ESF1: variants seen among roughly 807,000 people sequenced by gnomAD.
The protein encoded by ESF1 is ESF1 homolog.
ESF1 carries 58 observed loss-of-function variants against 92.0 expected under a neutral mutation model. The observed-to-expected ratio is 0.63, with a 90% confidence interval of 0.51 to 0.78. ESF1 has a LOEUF of 0.78. Ranked by LOEUF, ESF1 falls within the 30% of genes least tolerant of loss-of-function variation. The pLI is 0.00. For missense variants in ESF1, 922 were observed against 989.1 expected (o/e 0.93, Z 0.91); for synonymous variants, 321 against 313.7 (o/e 1.02, Z -0.24).
chr20:13,754,772 C>T (rs1397375856), intron 9 of ESF1, among the ~76,000 whole-genome samples: 2 of 152,192 alleles, frequency 1.3e-5, no homozygotes, highest in African/African-American at 4.8e-5. Context: ...GCTCAAAACT[C>T]TCCAGTGGTT....
chr20:13,723,899 A>G (rs544820858), intron 11 of ESF1, among the ~76,000 whole-genome samples: 4 of 152,374 alleles, frequency 2.6e-5, no homozygotes, highest in Non-Finnish European at 5.9e-5. Flanking sequence ...AGGTACTAAA[A>G]TCTAAAATTA....
At chr20:13,749,540 GT>G (rs1370932764) in intron 9 of ESF1, among the ~76,000 whole-genome samples, 4 of 151,830 alleles carry the variant, frequency 2.6e-5, no homozygotes, top group African/African-American at 9.7e-5. Context: ...CACTGAATGG[GT>G]AGATTGAGCA....
At chr20:13,777,748 T>A (rs1980008295) in intron 2 of ESF1, among the ~76,000 whole-genome samples, 1 of 152,220 alleles carries the variant, frequency 6.6e-6, no homozygotes, top group East Asian at 1.9e-4. Context: ...CAGGCTTCTA[T>A]CTACTTGGTG....
At chr20:13,772,436 A>C in intron 5 of ESF1, 79 bp downstream of exon 5, 1 of 1,076,510 alleles carries the variant, frequency 9.3e-7, no homozygotes, top group East Asian at 2.4e-5. Flanking sequence ...TTTAGTTTTA[A>C]CTATTAAGGT....
chr20:13,751,663 T>G (rs904736211), intron 9 of ESF1, among the ~76,000 whole-genome samples: 1 of 152,238 alleles, frequency 6.6e-6, no homozygotes, highest in Non-Finnish European at 1.5e-5. Flanking sequence ...ATATCCTTGC[T>G]TTTTGAGTTA....
chr20:13,738,803 G>C (rs2049992633), intron 9 of ESF1, among the ~76,000 whole-genome samples: 1 of 152,126 alleles, frequency 6.6e-6, no homozygotes. Context: ...GCCAGTGAAA[G>C]GTGTGACATA....
At chr20:13,761,859 C>G (rs992170713) in intron 8 of ESF1, among the ~76,000 whole-genome samples, 1 of 152,138 alleles carries the variant, frequency 6.6e-6, no homozygotes, top group African/African-American at 2.4e-5. Context: ...AAAAACAAAT[C>G]AGAAACCTGG....
At chr20:13,767,133 C>T (rs1184304586) in intron 7 of ESF1, among the ~76,000 whole-genome samples, 1 of 152,168 alleles carries the variant, frequency 6.6e-6, no homozygotes, top group African/African-American at 2.4e-5. Context: ...CCTCCCAATT[C>T]TCTGCTATCT....
chr20:13,722,078 G>T (rs112238914), intron 11 of ESF1, among the ~76,000 whole-genome samples: 1 of 152,060 alleles, frequency 6.6e-6, no homozygotes, highest in Non-Finnish European at 1.5e-5. Context: ...GTAGCAGGGA[G>T]AAAATTAGAC....
At chr20:13,751,922 G>A (rs6110027) in intron 9 of ESF1, among the ~76,000 whole-genome samples, 2,401 of 152,238 alleles carry the variant, frequency 0.016, 68 homozygotes, top group African/African-American at 0.055. Flanking sequence ...TTGAACCTAC[G>A]AGGCGGAGGT....
At chr20:13,765,439 G>A (rs1979385722) in intron 8 of ESF1, among the ~76,000 whole-genome samples, 1 of 152,118 alleles carries the variant, frequency 6.6e-6, no homozygotes, top group South Asian at 2.1e-4. Context: ...AAACCAAGAA[G>A]GGAATATTAG....
At chr20:13,725,187 G>C (rs1464651496) in intron 11 of ESF1, among the ~76,000 whole-genome samples, 2 of 152,198 alleles carry the variant, frequency 1.3e-5, no homozygotes, top group East Asian at 1.9e-4. Flanking sequence ...GCTTCTGCAA[G>C]TGAATGAACA....
chr20:13,716,846 C>A (rs1236793068), intron 13 of ESF1, among the ~76,000 whole-genome samples: 1 of 88,488 alleles, frequency 1.1e-5, no homozygotes, highest in Non-Finnish European at 2.3e-5. Flanking sequence ...TAGACAGAGT[C>A]TTGCTCTGTC....
In ESF1 at chr20:13,715,122, A is replaced by T. The variant is rs751395034; in HGVS notation, c.2308T>A (p.Leu770Met). ...ARFQAMYTSH[L>M]FNLDPSDPNF... is the part of the protein sequence containing the mutation. Reference sequence around the variant, plus strand: ...GGATCTGAGGGGTCCAAATTGAACAAGTGGGAAGTGTACATTGCCTGAAAC... The same window carrying T: ...GGATCTGAGGGGTCCAAATTGAACATGTGGGAAGTGTACATTGCCTGAAAC... The change falls in exon 14 of 14, where the codon TTG becomes ATG. Residue 770 changes from leucine (L) to methionine (M), a missense_variant. Transcript: ENST00000617257. 5 of 1,613,288 alleles carry T rather than the reference A, an allele frequency of 3.1e-6. No individual in the cohort carries two copies. The highest frequency in any genetic ancestry group is 4.2e-6 in the Non-Finnish European group (5 of 1,179,758).
chr20:13,717,360 A>C lies in ESF1; in HGVS notation c.2262+8T>G. 1 of 1,613,690 alleles carries C rather than the reference A, an allele frequency of 6.2e-7. No individual in the cohort carries two copies. On this transcript the variant is annotated splice_region_variant and intron_variant, in intron 13 of 13. Coordinates refer to ENST00000617257, the MANE Select transcript of ESF1 (RefSeq NM_001276380.2). ...CTTTAAGAGGCTATGCCTGGTGTCT[A>C]TGGTTACCTCAAAGTCATCCTCTAT...
At chr20:13,721,344 G>A (rs939134214) in intron 11 of ESF1, among the ~76,000 whole-genome samples, 6 of 152,162 alleles carry the variant, frequency 3.9e-5, no homozygotes, top group African/African-American at 1.2e-4. Context: ...GACACAAGCC[G>A]TGAACAAGAG....
chr20:13,783,200 A>G lies in ESF1; in HGVS notation c.-43-17T>C. The G allele has an allele frequency of 6.8e-7, 1 of 1,480,050 alleles. No homozygotes were observed. Among genetic ancestry groups the G allele is most frequent in the East Asian group, 2.3e-5 (1 of 43,624 alleles). The allele number at this position is 1,480,050 out of a possible 1,614,324, so 91.7% of individuals were successfully genotyped here. A position where few individuals can be genotyped will look rare whatever the true frequency, so the allele number is the denominator to read the frequency against. On this transcript the variant is annotated splice_polypyrimidine_tract_variant and intron_variant, in intron 1 of 13. Transcript: ENST00000617257. Reference sequence around the variant, plus strand: ...AAACAAATACTGAAAAATAAAACAAATGTTTTAATGGTAATAATGGTTAGT... The same window carrying G: ...AAACAAATACTGAAAAATAAAACAAGTGTTTTAATGGTAATAATGGTTAGT...
At chr20:13,774,455 T>A (rs1285697831) in intron 4 of ESF1, among the ~76,000 whole-genome samples, 1 of 152,210 alleles carries the variant, frequency 6.6e-6, no homozygotes, top group Admixed American at 6.5e-5. Context: ...GGAGACTCAA[T>A]CTCTAATAAT....
intron 11 of ESF1, among the ~76,000 whole-genome samples, chr20:13,724,765 C>T (rs2049890265): frequency 6.6e-6 from 1 of 152,156 alleles, no homozygotes; most frequent in African/African-American, 2.4e-5. Context: ...TATTTTGTAA[C>T]ATGCTGAAAG....
Sources: allele counts gnomAD v4.1 joint callset (sites outside exome capture counted in the v4.1 genomes callset), GRCh38; gene constraint gnomAD v4.1.1; transcripts MANE v1.5; gene names NCBI Gene and HGNC (gene_info 2026-07-23, HGNC 2026-07-21).